RNF43: variants seen among roughly 807,000 people sequenced by gnomAD.
The protein encoded by RNF43 is ring finger protein 43.
In RNF43, 37 loss-of-function variants were observed where a neutral mutation model predicts 78.4. That is an observed-to-expected ratio of 0.47 (90% CI 0.36 to 0.62). The LOEUF (loss-of-function observed/expected upper bound fraction) is 0.62. Ranked by LOEUF, RNF43 falls within the 20% of genes least tolerant of loss-of-function variation. RNF43 has a pLI of 0.00. For synonymous variants in RNF43, 347 were observed against 395.0 expected, an observed-to-expected ratio of 0.88 and a Z score of 1.44; for missense variants, 774 against 1,007.9, an observed-to-expected ratio of 0.77 and a Z score of 3.14.
At chr17:58,368,546 CGTT>C (rs1313521808) in intron 3 of RNF43, among the ~76,000 whole-genome samples, 1 of 143,340 alleles carries the variant, frequency 7.0e-6, no homozygotes, top group Non-Finnish European at 1.5e-5. Flanking sequence ...GACTCCATCT[CGTT>C]AAAAAAAAAA....
At chr17:58,393,570 G>A (rs1233635297) in intron 2 of RNF43, among the ~76,000 whole-genome samples, 1 of 152,226 alleles carries the variant, frequency 6.6e-6, no homozygotes. Flanking sequence ...GGTATCATAT[G>A]TTATATGCAG....
At chr17:58,390,853 T>G (rs912398160) in intron 2 of RNF43, among the ~76,000 whole-genome samples, 1 of 152,216 alleles carries the variant, frequency 6.6e-6, no homozygotes, top group Non-Finnish European at 1.5e-5. Flanking sequence ...CTGAAACTTT[T>G]TGTTTTTCAC....
intron 2 of RNF43, among the ~76,000 whole-genome samples, chr17:58,386,790 T>C (rs1226068136): frequency 1.3e-5 from 2 of 152,302 alleles, no homozygotes; most frequent in East Asian, 3.9e-4. Flanking sequence ...TATCTATGTG[T>C]GGTAATTTTC....
chr17:58,371,513 G>C (rs989908046), intron 2 of RNF43, among the ~76,000 whole-genome samples: 1 of 152,206 alleles, frequency 6.6e-6, no homozygotes, highest in Non-Finnish European at 1.5e-5. Context: ...CTGCCTCCTC[G>C]GGATGCCCCC....
At chr17:58,398,799 C>T (rs1973736213) in intron 2 of RNF43, among the ~76,000 whole-genome samples, 2 of 152,230 alleles carry the variant, frequency 1.3e-5, no homozygotes, top group African/African-American at 2.4e-5. Flanking sequence ...ACATCACATG[C>T]TGGGCTTTCC....
At chr17:58,393,059 G>A (rs1973593742) in intron 2 of RNF43, among the ~76,000 whole-genome samples, 2 of 152,192 alleles carry the variant, frequency 1.3e-5, no homozygotes, top group African/African-American at 4.8e-5. Flanking sequence ...GTAAGGTGAA[G>A]ACAAGGAGGA....
In RNF43 at chr17:58,415,631, T is replaced by C; in HGVS notation, c.-54A>G. The C allele has an allele frequency of 3.8e-6, 6 of 1,578,564 alleles. No individual in the cohort carries two copies. Among genetic ancestry groups the C allele is most frequent in the Non-Finnish European group, 5.2e-6 (6 of 1,164,578 alleles). On this transcript the variant is annotated 5_prime_UTR_variant, in exon 2 of 10. Coordinates refer to ENST00000407977, the MANE Select transcript of RNF43 (RefSeq NM_017763.6). ...CATACATACTGCTTCCACTAGCTAATACCAAATGCAGGTTCTCAGATCCAG... is the reference window on the plus strand; with the variant it reads ...CATACATACTGCTTCCACTAGCTAACACCAAATGCAGGTTCTCAGATCCAG...
intron 2 of RNF43, among the ~76,000 whole-genome samples, chr17:58,372,833 TGG>T (rs1973129231): frequency 6.6e-6 from 1 of 152,004 alleles, no homozygotes; most frequent in Non-Finnish European, 1.5e-5. Context: ...GGAGCGGGGT[TGG>T]GGAGCCACAT....
At chr17:58,368,577 G>T (rs912257163) in intron 3 of RNF43, among the ~76,000 whole-genome samples, 2 of 149,834 alleles carry the variant, frequency 1.3e-5, no homozygotes, top group African/African-American at 4.9e-5. Context: ...GCTGGGTATG[G>T]TGGCACATAA....
chr17:58,373,636 CT>C (rs1369092262), intron 2 of RNF43, among the ~76,000 whole-genome samples: 1 of 152,202 alleles, frequency 6.6e-6, no homozygotes, highest in East Asian at 1.9e-4. Context: ...GAATATCCAT[CT>C]CCTCAAGCAT....
chr17:58,362,737 A>G, intron 5 of RNF43, 89 bp from the exon 6 acceptor site: 1 of 973,476 alleles, frequency 1.0e-6, no homozygotes, highest in Non-Finnish European at 1.5e-6. Flanking sequence ...GGAGGCACAT[A>G]GCTAACTGGA....
intron 2 of RNF43, among the ~76,000 whole-genome samples, chr17:58,396,455 G>T (rs974194095): frequency 2.0e-5 from 3 of 152,176 alleles, no homozygotes; most frequent in African/African-American, 7.2e-5. Flanking sequence ...GTCAGTCTGT[G>T]AGGAGGTCAG....
At chr17:58,352,751 G>A (rs975293206), downstream of RNF43, 1 of 213,358 alleles carries the variant, frequency 4.7e-6, no homozygotes, top group African/African-American at 2.3e-5. Context: ...AAAAAAATGC[G>A]TATTTATCTT....
In RNF43 at chr17:58,358,826, G is replaced by T; in HGVS notation, c.953-3C>A. On this transcript the variant is annotated splice_region_variant and splice_polypyrimidine_tract_variant and intron_variant, in intron 8 of 9. Transcript: ENST00000407977. The surrounding 1 kb of genome is among the most constrained non-coding windows in gnomAD (Gnocchi z 6.2). The stretch of plus-strand genomic sequence containing the variant: ...GGACTGGGAAAATGAATCTCCCTCT[G>T]GAAAAAAGAACCAAGAGCACAGATG... 6.7e-7 allele frequency: 1 copy of T among 1,486,700 alleles called. No individual in the cohort carries two copies. The allele number at this position is 1,486,700 out of a possible 1,614,324, so 92.1% of individuals were successfully genotyped here.
chr17:58,392,600 T>G (rs1194715176), intron 2 of RNF43, among the ~76,000 whole-genome samples: 1 of 152,222 alleles, frequency 6.6e-6, no homozygotes, highest in Non-Finnish European at 1.5e-5. Context: ...AATATCTGTC[T>G]TCAAAATCTA....
intron 2 of RNF43, among the ~76,000 whole-genome samples, chr17:58,410,692 G>A (rs1246418381): frequency 2.6e-5 from 4 of 152,146 alleles, no homozygotes; most frequent in African/African-American, 7.2e-5. Flanking sequence ...TGAAGAGAAA[G>A]GTGATGAAAT....
At chr17:58,392,528 A>G (rs1480645084) in intron 2 of RNF43, among the ~76,000 whole-genome samples, 1 of 152,242 alleles carries the variant, frequency 6.6e-6, no homozygotes, top group Non-Finnish European at 1.5e-5. Flanking sequence ...TAAAGTCAAT[A>G]TGTAAGACAG....
intron 2 of RNF43, among the ~76,000 whole-genome samples, chr17:58,409,454 A>T (rs186576153): frequency 1.3e-5 from 2 of 152,250 alleles, no homozygotes; most frequent in African/African-American, 4.8e-5. Context: ...GGAAAAAAAC[A>T]TTTAAAAAAT....
At chr17:58,410,974 T>C (rs1974015509) in intron 2 of RNF43, among the ~76,000 whole-genome samples, 1 of 152,206 alleles carries the variant, frequency 6.6e-6, no homozygotes. Flanking sequence ...TGGAAAAGCA[T>C]GGGCTCTGCA....
Sources: gnomAD v4.1 joint callset for allele counts (sites outside exome capture counted in the v4.1 genomes callset) on GRCh38, gnomAD v4.1.1 for gene constraint, Gnocchi (gnomAD v3.1) non-coding constraint, MANE v1.5 for transcripts, NCBI Gene and HGNC (gene_info 2026-07-23, HGNC 2026-07-21) for gene names.